The following SEMA6D variants were observed in gnomAD, a reference collection of about 807,000 sequenced individuals.
The protein encoded by SEMA6D is semaphorin-6D.
In SEMA6D, 35 loss-of-function variants were observed where a neutral mutation model predicts 106.6. The observed-to-expected ratio is 0.33, with a 90% CI of 0.25 to 0.44. The LOEUF (loss-of-function observed/expected upper bound fraction) is 0.44. Among genes scored for constraint, SEMA6D ranks in the 20% least tolerant of loss-of-function variants. The pLI, the probability that SEMA6D is intolerant of heterozygous loss-of-function variation, is 1.00. For missense variants in SEMA6D, 1,185 were observed against 1,345.9 expected (o/e 0.88, Z 1.87); for synonymous variants, 499 against 487.7 (o/e 1.02, Z -0.31).
At chr15:47,727,837 A>G (rs1596810639) in intron 1 of SEMA6D, among the ~76,000 whole-genome samples, 1 of 152,240 alleles carries the variant, frequency 6.6e-6, no homozygotes, top group African/African-American at 2.4e-5. Context: ...ATCAAACTTC[A>G]TGCTTCAGGG....
chr15:47,278,908 G>A (rs1157735352), intron 1 of SEMA6D, among the ~76,000 whole-genome samples: 59 of 146,236 alleles, frequency 4.0e-4, no homozygotes, highest in African/African-American at 1.2e-3. Context: ...AGGTTTGTCA[G>A]AGATCAGATA....
At chr15:47,758,419 T>TTTC in intron 1 of SEMA6D, among the ~76,000 whole-genome samples, 1 of 152,050 alleles carries the variant, frequency 6.6e-6, no homozygotes, top group East Asian at 1.9e-4. Flanking sequence ...TTCAGAACAG[T>TTTC]AGCTGCAAGT....
intron 3 of SEMA6D, among the ~76,000 whole-genome samples, chr15:47,480,747 A>G (rs1472488482): frequency 6.6e-6 from 1 of 152,208 alleles, no homozygotes. Context: ...CAGTAATACT[A>G]CAACATTTTT....
intron 3 of SEMA6D, among the ~76,000 whole-genome samples, chr15:47,496,036 A>G (rs2043645547): frequency 6.6e-6 from 1 of 152,092 alleles, no homozygotes. Flanking sequence ...CAGAAACAAT[A>G]TTCACTAGAA....
At chr15:47,209,123 C>T (rs1368238652) in intron 1 of SEMA6D, among the ~76,000 whole-genome samples, 1 of 151,960 alleles carries the variant, frequency 6.6e-6, no homozygotes, top group Non-Finnish European at 1.5e-5. Flanking sequence ...AAAGTATCAA[C>T]TATATATAGT....
intron 3 of SEMA6D, among the ~76,000 whole-genome samples, chr15:47,595,575 G>T (rs184897405): frequency 2.0e-5 from 3 of 152,040 alleles, no homozygotes; most frequent in African/African-American, 7.2e-5. Flanking sequence ...TCTGGCTTTG[G>T]TATCAGAGTA....
At position 47,402,730 on chromosome 15, in the gene SEMA6D, C is replaced by T. The variant is rs2040435867; in HGVS notation, c.-238-9663C>T. On this transcript the variant is annotated intron_variant, in intron 1 of 19. Transcript: ENST00000558014. The stretch of plus-strand genomic sequence containing the variant: ...TCTGTCTTCTCCCCATCCTAAGTAA[C>T]TTCTTTGTGAGCCAGACTTTTTTTT... 2.7e-5 allele frequency among the ~76,000 whole-genome samples: 4 copies of T among 145,970 alleles called. 1 individual carries two copies. In the South Asian group the frequency reaches 8.7e-4, roughly 32 times the overall value.
Position 47,771,636 on chromosome 15 carries a change from C to A in SEMA6D, c.3073C>A (p.Leu1025Ile). The A allele has an allele frequency of 6.2e-7, 1 of 1,614,094 alleles. No individual in the cohort carries two copies. The highest frequency in any genetic ancestry group is 8.5e-7 in the Non-Finnish European group (1 of 1,179,972). Residue 1025 changes from leucine (L) to isoleucine (I), a missense_variant, in exon 19 of 19, where the codon CTC becomes ATC. Physicochemically the swap from Leu to Ile is conservative, Grantham distance 5 (BLOSUM62 2). This residue lies in a region of SEMA6D where 750 missense variants were observed against 783.5 expected (regional missense o/e 0.96). Coordinates refer to ENST00000536845, the MANE Select transcript of SEMA6D (RefSeq NM_001358351.3). Reference sequence around the variant, plus strand: ...AGTGAGTGTTCATCTGCAGCCTTCCCTCTCCAGACAGAGCAGCTACACCAG... The same window carrying A: ...AGTGAGTGTTCATCTGCAGCCTTCCATCTCCAGACAGAGCAGCTACACCAG... ...TPVSVHLQPS[L>I]SRQSSYTSNG...
chr15:47,532,951 T>C (rs2045024426), intron 3 of SEMA6D, among the ~76,000 whole-genome samples: 1 of 146,560 alleles, frequency 6.8e-6, no homozygotes, highest in African/African-American at 2.8e-5. Flanking sequence ...TAAAAATTGT[T>C]TGATGATATT....
At chr15:47,766,559 A>G in intron 15 of SEMA6D, 57 bp from the exon 16 acceptor site, 4 of 1,549,118 alleles carry the variant, frequency 2.6e-6, no homozygotes, top group Non-Finnish European at 3.6e-6. Context: ...TCTGGTTGTC[A>G]CTTGTGTTCC....
At chr15:47,479,699 G>A (rs1260715980) in intron 3 of SEMA6D, among the ~76,000 whole-genome samples, 1 of 151,830 alleles carries the variant, frequency 6.6e-6, no homozygotes, top group East Asian at 1.9e-4. Context: ...TAATATTCTA[G>A]GACTAGGGGC....
intron 3 of SEMA6D, among the ~76,000 whole-genome samples, chr15:47,560,606 A>C (rs1596319535): frequency 6.6e-6 from 1 of 152,104 alleles, no homozygotes; most frequent in East Asian, 1.9e-4. Flanking sequence ...ATGCAACTGG[A>C]ATTTTTAGAG....
intron 1 of SEMA6D, among the ~76,000 whole-genome samples, chr15:47,743,759 A>G (rs2080955958): frequency 6.6e-6 from 1 of 152,152 alleles, no homozygotes; most frequent in South Asian, 2.1e-4. Flanking sequence ...TTGCACTGGA[A>G]TGAGGGGGTG....
At chr15:47,461,827 A>AACGTGTG (rs982299515) in intron 2 of SEMA6D, among the ~76,000 whole-genome samples, 1 of 151,972 alleles carries the variant, frequency 6.6e-6, no homozygotes, top group African/African-American at 2.4e-5. Flanking sequence ...AAATTTGTAA[A>AACGTGTG]ATGTGTGAAG....
chr15:47,248,297 A>G (rs1190957394), intron 1 of SEMA6D, among the ~76,000 whole-genome samples: 1 of 152,224 alleles, frequency 6.6e-6, no homozygotes, highest in African/African-American at 2.4e-5. Context: ...CTATTATCCA[A>G]CAAAGCATTG....
At chr15:47,306,139 G>A (rs962414174) in intron 1 of SEMA6D, among the ~76,000 whole-genome samples, 3 of 151,808 alleles carry the variant, frequency 2.0e-5, no homozygotes, top group African/African-American at 7.3e-5. Flanking sequence ...ACACCACCAT[G>A]CCCAACTAAT....
intron 1 of SEMA6D, among the ~76,000 whole-genome samples, chr15:47,208,154 A>T (rs1895236677): frequency 1.3e-5 from 2 of 152,072 alleles, no homozygotes; most frequent in South Asian, 4.1e-4. Flanking sequence ...TTTTAAAACC[A>T]ACTGGTCTTT....
chr15:47,326,068 C>T (rs541777998), intron 1 of SEMA6D, among the ~76,000 whole-genome samples: 1 of 152,146 alleles, frequency 6.6e-6, no homozygotes, highest in East Asian at 1.9e-4. Flanking sequence ...GCTGTCCACT[C>T]TTCCCAGTGA....
At chr15:47,614,375 T>G (rs1290268252) in intron 4 of SEMA6D, among the ~76,000 whole-genome samples, 4 of 152,182 alleles carry the variant, frequency 2.6e-5, no homozygotes, top group Non-Finnish European at 5.9e-5. Context: ...TTCAAATGGG[T>G]CAACATTGCT....
Sources: gnomAD v4.1 joint callset for allele counts (sites outside exome capture counted in the v4.1 genomes callset) on GRCh38, gnomAD v4.1.1 for gene constraint, gnomAD v4.1.1 regional missense constraint, MANE v1.5 for transcripts, NCBI Gene and HGNC (gene_info 2026-07-23, HGNC 2026-07-21) for gene names.